The following BEND7 variants were observed in gnomAD, a reference collection of about 807,000 sequenced individuals.
The protein encoded by BEND7 is BEN domain containing 7, also known as BEN domain-containing protein 7.
In BEND7, 28 loss-of-function variants were observed where a neutral mutation model predicts 50.9. The ratio of observed to expected loss-of-function variants is 0.55; its 90% CI spans 0.41 to 0.75. BEND7 has a LOEUF of 0.75. Ranked by LOEUF, BEND7 falls within the 30% of genes least tolerant of loss-of-function variation. The pLI is 0.00. For missense variants in BEND7, 477 were observed against 491.3 expected (o/e 0.97, Z 0.28); for synonymous variants, 170 against 183.9 (o/e 0.92, Z 0.61).
At chr10:13,503,638 G>A (rs759856999) in intron 2 of BEND7, among the ~76,000 whole-genome samples, 53 of 152,240 alleles carry the variant, frequency 3.5e-4, no homozygotes, top group Non-Finnish European at 6.6e-4. Context: ...CTTGAACCTG[G>A]GAGGCGGAGG....
intron 4 of BEND7, among the ~76,000 whole-genome samples, chr10:13,493,287 G>T (rs1410165360): frequency 6.6e-6 from 1 of 152,146 alleles, no homozygotes; most frequent in Non-Finnish European, 1.5e-5. Context: ...TTACATTTGG[G>T]GTTAGACTGA....
intron 6 of BEND7, among the ~76,000 whole-genome samples, chr10:13,453,916 C>A (rs1483703916): frequency 1.3e-5 from 2 of 152,156 alleles, no homozygotes; most frequent in Non-Finnish European, 2.9e-5. Flanking sequence ...GGAAATTTAT[C>A]CTAAGGAAAT....
chr10:13,496,631 C>T, intron 4 of BEND7, 135 bp downstream of exon 4: 1 of 1,072,114 alleles, frequency 9.3e-7, no homozygotes. Context: ...GCTGAAAAAA[C>T]AGATACTTGA....
rs370711162 is a variant in BEND7 at position 13,483,942 on chromosome 10, A to G, written c.838-2818T>C. ...GCCGCTGTTTCTGGTATCTGCCACAACTCCTAACAACTAAGTATCTGGAAG... is the reference window on the plus strand; with the variant it reads ...GCCGCTGTTTCTGGTATCTGCCACAGCTCCTAACAACTAAGTATCTGGAAG... On this transcript the variant is annotated intron_variant, in intron 5 of 8. Coordinates refer to ENST00000466271, the MANE Select transcript of BEND7 (RefSeq NM_001369863.1). Among the ~76,000 whole-genome samples the G allele has an allele frequency of 4.6e-5, 7 of 152,142 alleles. No individual in the cohort carries two copies. The East Asian group carries it at 9.6e-4, about 21-fold the overall frequency.
intron 4 of BEND7, 73 bp downstream of exon 4, chr10:13,496,693 T>C (rs912486841): frequency 6.6e-7 from 1 of 1,515,740 alleles, no homozygotes; most frequent in Non-Finnish European, 8.9e-7. Context: ...AAAAGCACAA[T>C]GAACATTCCA....
chr10:13,462,946 C>G (rs553469877), intron 6 of BEND7, among the ~76,000 whole-genome samples: 1 of 152,300 alleles, frequency 6.6e-6, no homozygotes, highest in African/African-American at 2.4e-5. Context: ...TGATCAGACT[C>G]CACAACAACT....
chr10:13,487,830 C>T (rs1052181311), intron 5 of BEND7, among the ~76,000 whole-genome samples: 1 of 152,068 alleles, frequency 6.6e-6, no homozygotes, highest in Admixed American at 6.6e-5. Context: ...TGGTGGCTCA[C>T]ACCTGTAATC....
At chr10:13,494,087 A>C (rs2076860028) in intron 4 of BEND7, among the ~76,000 whole-genome samples, 1 of 152,168 alleles carries the variant, frequency 6.6e-6, no homozygotes, top group Admixed American at 6.5e-5. Flanking sequence ...ATGGTTCTCA[A>C]CCTTGGTTGT....
intron 6 of BEND7, among the ~76,000 whole-genome samples, chr10:13,473,740 A>G (rs1244123204): frequency 6.6e-6 from 1 of 151,556 alleles, no homozygotes; most frequent in Non-Finnish European, 1.5e-5. Flanking sequence ...CATCACTATT[A>G]GACTCGGGGT....
chr10:13,469,765 G>A (rs1480304594), intron 6 of BEND7, among the ~76,000 whole-genome samples: 3 of 152,118 alleles, frequency 2.0e-5, no homozygotes, highest in Admixed American at 6.5e-5. Context: ...ATGAGCCACC[G>A]TGCCCAGCCG....
intron 5 of BEND7, among the ~76,000 whole-genome samples, chr10:13,485,601 A>G (rs1295916999): frequency 6.6e-6 from 1 of 152,176 alleles, no homozygotes. Context: ...GATTCATAAG[A>G]GTGCTTAAAG....
intron 5 of BEND7, among the ~76,000 whole-genome samples, chr10:13,488,644 C>T (rs548266265): frequency 4.6e-5 from 7 of 152,294 alleles, no homozygotes; most frequent in Admixed American, 1.3e-4. Context: ...TGCGCCACTG[C>T]GCCTAGCTAT....
chr10:13,462,391 G>A (rs934692123), intron 6 of BEND7, among the ~76,000 whole-genome samples: 1 of 152,212 alleles, frequency 6.6e-6, no homozygotes, highest in Non-Finnish European at 1.5e-5. Context: ...CAGATCTTGT[G>A]AGACTTATTC....
chr10:13,491,066 A>G (rs545248314), intron 5 of BEND7, among the ~76,000 whole-genome samples: 49 of 152,254 alleles, frequency 3.2e-4, no homozygotes, highest in Non-Finnish European at 6.0e-4. Flanking sequence ...GGCCTCCCAA[A>G]GTGTTGGGAT....
intron 2 of BEND7, among the ~76,000 whole-genome samples, chr10:13,510,628 A>G (rs916830883): frequency 2.0e-5 from 3 of 152,232 alleles, no homozygotes; most frequent in African/African-American, 7.2e-5. Context: ...TGAAAGACAA[A>G]TTATTAGCTT....
downstream of BEND7, chr10:13,439,119 G>T: frequency 2.7e-6 from 4 of 1,464,962 alleles, no homozygotes; most frequent in Non-Finnish European, 3.7e-6. Flanking sequence ...ACAAGGCTCA[G>T]ATTCCAGTGG....
At chr10:13,468,050 AG>A (rs1387831439) in intron 6 of BEND7, among the ~76,000 whole-genome samples, 3 of 152,186 alleles carry the variant, frequency 2.0e-5, no homozygotes, top group African/African-American at 7.2e-5. Context: ...GGGAAGTTCA[AG>A]TATAAAGCGC....
At chr10:13,480,809 T>C in intron 6 of BEND7, 90 bp downstream of exon 6, 1 of 1,562,158 alleles carries the variant, frequency 6.4e-7, no homozygotes, top group South Asian at 1.2e-5. Flanking sequence ...AACTGGCCAC[T>C]AGTCAGTTTA....
In BEND7 at chr10:13,499,316, G is replaced by A. The variant is rs549581875; in HGVS notation, c.448+462C>T. Reference sequence around the variant, plus strand: ...TACTGACGTGGGATGCTGGGTTATCGGCCCCCCACCCCTGTCCGCCCCCGC... The same window carrying A: ...TACTGACGTGGGATGCTGGGTTATCAGCCCCCCACCCCTGTCCGCCCCCGC... On this transcript the variant is annotated intron_variant, in intron 3 of 8. Transcript: ENST00000466271. Among the ~76,000 whole-genome samples, 7 of 151,896 alleles carry A rather than the reference G, an allele frequency of 4.6e-5. No individual in the cohort carries two copies. The South Asian group carries it at 1.3e-3, about 27-fold the overall frequency.
Sources: allele counts gnomAD v4.1 joint callset (sites outside exome capture counted in the v4.1 genomes callset), GRCh38; gene constraint gnomAD v4.1.1; transcripts MANE v1.5; gene names NCBI Gene and HGNC (gene_info 2026-07-23, HGNC 2026-07-21).